Variants in BBX observed in about 807,000 individuals in gnomAD.
BBX encodes the protein BBX high mobility group box domain containing.
BBX carries 30 observed loss-of-function variants against 100.2 expected under a neutral mutation model. The ratio of observed to expected loss-of-function variants is 0.30; its 90% CI spans 0.22 to 0.41. BBX has a LOEUF of 0.41. Among genes scored for constraint, BBX ranks in the 10% least tolerant of loss-of-function variants. The pLI is 1.00. For synonymous variants in BBX, 376 were observed against 388.1 expected (o/e 0.97, Z 0.37); for missense variants, 1,023 against 1,129.8 (o/e 0.91, Z 1.35).
intron 13 of BBX, among the ~76,000 whole-genome samples, chr3:107,786,711 C>T (rs546161002): frequency 1.1e-3 from 162 of 152,212 alleles, no homozygotes; most frequent in African/African-American, 3.8e-3. Flanking sequence ...ATGGGCAAAT[C>T]TTTATAACCT....
At chr3:107,548,824 A>G (rs1461226910) in intron 2 of BBX, among the ~76,000 whole-genome samples, 1 of 152,224 alleles carries the variant, frequency 6.6e-6, no homozygotes, top group Non-Finnish European at 1.5e-5. Flanking sequence ...AAGGAACAAA[A>G]TCATGTCCTT....
At chr3:107,727,100 CA>C (rs1057047249) in intron 5 of BBX, among the ~76,000 whole-genome samples, 22 of 149,676 alleles carry the variant, frequency 1.5e-4, no homozygotes, top group East Asian at 1.4e-3. Flanking sequence ...CTACCCCCCC[CA>C]AAAAAAATAG....
chr3:107,801,857 T>C (rs2070524851), intron 17 of BBX, among the ~76,000 whole-genome samples: 1 of 152,122 alleles, frequency 6.6e-6, no homozygotes, highest in African/African-American at 2.4e-5. Flanking sequence ...GCCAGAGGCC[T>C]GGATTTTTCT....
chr3:107,638,951 T>C (rs1411087709), intron 2 of BBX, among the ~76,000 whole-genome samples: 1 of 151,776 alleles, frequency 6.6e-6, no homozygotes, highest in Non-Finnish European at 1.5e-5. Context: ...ATTGCACCAC[T>C]GCACTCCAGC....
intron 10 of BBX, among the ~76,000 whole-genome samples, chr3:107,762,124 C>T (rs1240518437): frequency 6.6e-6 from 1 of 152,084 alleles, no homozygotes; most frequent in African/African-American, 2.4e-5. Flanking sequence ...TCACCTCATC[C>T]CCAATTGCAC....
chr3:107,740,454 A>G (rs1463368526), intron 7 of BBX, among the ~76,000 whole-genome samples: 1 of 151,838 alleles, frequency 6.6e-6, no homozygotes, highest in Non-Finnish European at 1.5e-5. Flanking sequence ...CAAATGGCTT[A>G]TTTCCTTAAT....
chr3:107,618,657 T>C (rs1340019570), intron 2 of BBX, among the ~76,000 whole-genome samples: 1 of 152,000 alleles, frequency 6.6e-6, no homozygotes. Flanking sequence ...ATGGATTATC[T>C]ATAAGTACGT....
intron 7 of BBX, among the ~76,000 whole-genome samples, chr3:107,741,047 T>A (rs542037885): frequency 8.1e-4 from 123 of 151,022 alleles, no homozygotes; most frequent in African/African-American, 2.9e-3. Flanking sequence ...TATTAAATAT[T>A]TGTTGAATGA....
At chr3:107,650,085 A>G (rs1172950067) in intron 3 of BBX, among the ~76,000 whole-genome samples, 1 of 152,188 alleles carries the variant, frequency 6.6e-6, no homozygotes, top group Non-Finnish European at 1.5e-5. Context: ...TTCTATTTTA[A>G]GATTTTTATG....
chr3:107,772,707 A>G lies in BBX; in HGVS notation c.986A>G (p.Lys329Arg). ...KAKESDGGRI[K>R]ELEKGKEEKE... is the part of the protein sequence containing the mutation. ...AAAGAATCCGATGGTGGAAGAATTA[A>G]AGAATTAGAGAAGGGAAAGGAAGAA... The change falls in exon 11 of 18, where the codon AAA (lysine) becomes AGA (arginine). Residue 329 changes from lysine to arginine, a missense_variant. Around this residue, in one of 9 missense-constraint regions of BBX, gnomAD observed 348 missense variants for 353.2 expected, o/e 0.99. Coordinates refer to ENST00000325805, the MANE Select transcript of BBX (RefSeq NM_001142568.3). 1 of 1,609,600 alleles carries G rather than the reference A, an allele frequency of 6.2e-7. No homozygotes were observed. The highest frequency in any genetic ancestry group is 8.5e-7 in the Non-Finnish European group (1 of 1,179,010).
At chr3:107,660,112 TTAG>T (rs2058366332) in intron 3 of BBX, among the ~76,000 whole-genome samples, 1 of 152,158 alleles carries the variant, frequency 6.6e-6, no homozygotes, top group Non-Finnish European at 1.5e-5. Context: ...TCTTTTATAA[TTAG>T]TAGAAAATTG....
intron 10 of BBX, among the ~76,000 whole-genome samples, chr3:107,760,671 A>T (rs1320863874): frequency 1.3e-5 from 2 of 150,808 alleles, no homozygotes; most frequent in African/African-American, 2.4e-5. Context: ...GGGAAGGGAG[A>T]AAATATTAGC....
chr3:107,693,598 G>A (rs895306238), intron 3 of BBX, among the ~76,000 whole-genome samples: 1 of 151,772 alleles, frequency 6.6e-6, no homozygotes. Context: ...TTTGGTTACT[G>A]TAGCCTTGTA....
At chr3:107,694,724 A>C (rs1437204022) in intron 3 of BBX, among the ~76,000 whole-genome samples, 1 of 151,292 alleles carries the variant, frequency 6.6e-6, no homozygotes, top group African/African-American at 2.5e-5. Context: ...TGAGTTAGGG[A>C]GGATTCCCTC....
chr3:107,599,803 C>G (rs2053934316), intron 2 of BBX, among the ~76,000 whole-genome samples: 2 of 152,182 alleles, frequency 1.3e-5, no homozygotes, highest in Admixed American at 1.3e-4. Flanking sequence ...CTGGTTCAGG[C>G]TGAAAACGTC....
At chr3:107,529,078 A>G (rs2047977798) in intron 2 of BBX, among the ~76,000 whole-genome samples, 2 of 152,202 alleles carry the variant, frequency 1.3e-5, no homozygotes, top group Non-Finnish European at 2.9e-5. Context: ...TTTTTGCTGT[A>G]CTACAGGAAG....
intron 3 of BBX, among the ~76,000 whole-genome samples, chr3:107,679,142 A>T (rs1480541429): frequency 2.6e-5 from 2 of 78,420 alleles, no homozygotes; most frequent in Admixed American, 1.2e-4. Context: ...GGGCTTCATT[A>T]AAAAAAAAAA....
At chr3:107,758,376 G>GTA in intron 10 of BBX, among the ~76,000 whole-genome samples, 2 of 152,304 alleles carry the variant, frequency 1.3e-5, no homozygotes, top group South Asian at 4.1e-4. Flanking sequence ...TTATAAAGAT[G>GTA]TATGAGTTTC....
At chr3:107,649,584 C>T (rs954807779) in intron 3 of BBX, among the ~76,000 whole-genome samples, 1 of 152,130 alleles carries the variant, frequency 6.6e-6, no homozygotes, top group Non-Finnish European at 1.5e-5. Flanking sequence ...GATCAAAGTT[C>T]AAGAATCTTG....
Sources: gnomAD v4.1 joint callset for allele counts (sites outside exome capture counted in the v4.1 genomes callset) on GRCh38, gnomAD v4.1.1 for gene constraint, gnomAD v4.1.1 regional missense constraint, MANE v1.5 for transcripts, NCBI Gene and HGNC (gene_info 2026-07-23, HGNC 2026-07-21) for gene names.